Variants in NCOR2 observed in about 807,000 individuals in gnomAD.
The protein encoded by NCOR2 is nuclear receptor corepressor 2.
NCOR2 carries 81 observed loss-of-function variants against 262.9 expected under a neutral mutation model. The ratio of observed to expected loss-of-function variants is 0.31; its 90% CI spans 0.26 to 0.37. The LOEUF (loss-of-function observed/expected upper bound fraction) is 0.37. NCOR2 is among the 10% of genes least tolerant of loss of function. The probability of loss-of-function intolerance (pLI) is 1.00; values close to 1 mark genes in which losing one functional copy is unlikely to be tolerated. For missense variants in NCOR2, 3,385 were observed against 3,621.4 expected (o/e 0.93, Z 1.68); for synonymous variants, 1,659 against 1,559.3 (o/e 1.06, Z -1.51).
intron 16 of NCOR2, among the ~76,000 whole-genome samples, chr12:124,397,079 T>A (rs1487898637): frequency 6.6e-6 from 1 of 152,194 alleles, no homozygotes; most frequent in South Asian, 2.1e-4. Context: ...CTCTGCTTCC[T>A]GGCTCCTTGC....
At chr12:124,334,824 T>G (rs1188245334) in intron 40 of NCOR2, 1 of 597,432 alleles carries the variant, frequency 1.7e-6, no homozygotes, top group Non-Finnish European at 3.0e-6. Context: ...AAGCTGGTAG[T>G]TGGCAGATGG....
chr12:124,552,276 G>A (rs546872617), intron 1 of NCOR2, among the ~76,000 whole-genome samples: 103 of 152,124 alleles, frequency 6.8e-4, no homozygotes, highest in African/African-American at 2.3e-3. Flanking sequence ...AGCTGCGAAT[G>A]GAGCTGGACT....
At chr12:124,428,413 T>C (rs2043718977) in intron 10 of NCOR2, among the ~76,000 whole-genome samples, 1 of 152,272 alleles carries the variant, frequency 6.6e-6, no homozygotes, top group South Asian at 2.1e-4. Flanking sequence ...GATTCATCTT[T>C]GGATTGCCTG....
At chr12:124,488,153 T>G (rs2047880133) in intron 1 of NCOR2, among the ~76,000 whole-genome samples, 1 of 152,190 alleles carries the variant, frequency 6.6e-6, no homozygotes. Flanking sequence ...CAGTTATTTT[T>G]GCAAAGAGAA....
At chr12:124,341,792 C>T (rs2272373) in intron 34 of NCOR2, 31 bp downstream of exon 36, 17,497 of 1,574,922 alleles carry the variant, frequency 0.011, 679 homozygotes, top group South Asian at 0.089. Flanking sequence ...TAAGGCCAAA[C>T]CCAGCGGAGG....
intron 22 of NCOR2, among the ~76,000 whole-genome samples, chr12:124,359,813 C>A (rs996146441): frequency 6.6e-6 from 1 of 152,256 alleles, no homozygotes; most frequent in East Asian, 1.9e-4. Flanking sequence ...CTTGGCTGAG[C>A]CGCTCTGTGT....
At chr12:124,330,721 C>T (rs2035111559) in intron 44 of NCOR2, 124 bp downstream of exon 46, 1 of 1,107,316 alleles carries the variant, frequency 9.0e-7, no homozygotes, top group African/African-American at 1.6e-5. Flanking sequence ...GTTAGTTCAT[C>T]CCAGAATGAG....
At chr12:124,462,674 A>G (rs576534763) in intron 5 of NCOR2, among the ~76,000 whole-genome samples, 394 of 152,296 alleles carry the variant, frequency 2.6e-3, no homozygotes, top group Non-Finnish European at 4.2e-3. Context: ...GGTCTGAAGC[A>G]CTGCTCTGAA....
chr12:124,517,600 A>G lies in NCOR2; in HGVS notation c.-118+17965T>C, dbSNP rs2049892464. On this transcript the variant is annotated intron_variant, in intron 1 of 46. Coordinates refer to the NCOR2 transcript ENST00000404621. The surrounding 1 kb of genome is among the most constrained non-coding windows in gnomAD (Gnocchi z 7.6). ...AGCCCACCGCGGAGCCCCAGGGCAGAGCCTCGGGAGCGCCCACGATCACAT... is the reference window on the plus strand; with the variant it reads ...AGCCCACCGCGGAGCCCCAGGGCAGGGCCTCGGGAGCGCCCACGATCACAT... 1.3e-5 allele frequency among the ~76,000 whole-genome samples: 2 copies of G among 152,264 alleles called. No homozygotes were observed. Among genetic ancestry groups the G allele is most frequent in the South Asian group, 4.1e-4 (2 of 4,822 alleles).
intron 32 of NCOR2, 150 bp from the exon 35 acceptor site, chr12:124,343,376 A>C: frequency 1.6e-6 from 1 of 615,250 alleles, no homozygotes; most frequent in Non-Finnish European, 2.7e-6. Flanking sequence ...TTGCTCACTG[A>C]CTCATTTGCT....
intron 1 of NCOR2, among the ~76,000 whole-genome samples, chr12:124,492,996 C>T (rs1247209799): frequency 2.0e-5 from 3 of 152,218 alleles, no homozygotes; most frequent in African/African-American, 7.2e-5. Context: ...CACACAAGGA[C>T]AGACATGTTC....
intron 15 of NCOR2, among the ~76,000 whole-genome samples, chr12:124,399,517 G>A (rs2041880518): frequency 6.6e-6 from 1 of 152,118 alleles, no homozygotes; most frequent in African/African-American, 2.4e-5. Context: ...TGGCCAATGG[G>A]GCTGAGTTCT....
Position 124,523,446 on chromosome 12 carries a change from C to T in NCOR2, c.-118+12119G>A, listed in dbSNP as rs886832574. 1.1e-4 allele frequency among the ~76,000 whole-genome samples: 16 copies of T among 152,120 alleles called. No homozygotes were observed. The highest frequency in any genetic ancestry group is 1.9e-4 in the Non-Finnish European group (13 of 68,026). Reference sequence around the variant, plus strand: ...ACGCCAGCCAGCTGGATCCCAGGGACCTAACCCGGGAAGGACACATCACGC... The same window carrying T: ...ACGCCAGCCAGCTGGATCCCAGGGATCTAACCCGGGAAGGACACATCACGC... On this transcript the variant is annotated intron_variant, in intron 1 of 46. Transcript: ENST00000404621. This position sits in a 1 kb window ranked among gnomAD's most constrained non-coding sequence, Gnocchi z 4.0.
chr12:124,544,159 T>C (rs983119756), intron 1 of NCOR2, among the ~76,000 whole-genome samples: 4 of 152,106 alleles, frequency 2.6e-5, no homozygotes, highest in Admixed American at 2.6e-4. Flanking sequence ...CTGGATGAGA[T>C]GGAAGCTTCG....
intron 7 of NCOR2, among the ~76,000 whole-genome samples, chr12:124,448,028 G>A (rs551155763): frequency 6.6e-6 from 1 of 152,182 alleles, no homozygotes; most frequent in Non-Finnish European, 1.5e-5. Context: ...ACTCATTCTG[G>A]TTCTGTCTCC....
Position 124,389,460 on chromosome 12 carries a change from G to T in NCOR2, c.1877-3573C>A, listed in dbSNP as rs2041104927. Among the ~76,000 whole-genome samples the T allele has an allele frequency of 2.0e-5, 3 of 152,210 alleles. No homozygotes were observed. ...TCTCTCCCCATCCGCGGCGGTGGCG[G>T]CGTCAGCAGTGGTAAGAACAGATGA... On this transcript the variant is annotated intron_variant, in intron 16 of 46. Coordinates refer to ENST00000405201, the Ensembl canonical transcript of NCOR2. The surrounding 1 kb of genome is among the most constrained non-coding windows in gnomAD (Gnocchi z 4.4).
At chr12:124,429,575 G>T (rs767096994) in intron 10 of NCOR2, 38 bp downstream of exon 12, 22 of 1,558,586 alleles carry the variant, frequency 1.4e-5, no homozygotes, top group Admixed American at 1.9e-5. Context: ...GGATGCCAGG[G>T]AAAAGGAGCT....
intron 1 of NCOR2, among the ~76,000 whole-genome samples, chr12:124,558,860 T>C (rs1291028599): frequency 6.6e-6 from 1 of 152,120 alleles, no homozygotes; most frequent in Non-Finnish European, 1.5e-5. Context: ...CATCACCCCA[T>C]TTCACCGCCA....
chr12:124,388,913 G>C (rs1283981339), intron 16 of NCOR2: 1 of 977,270 alleles, frequency 1.0e-6, no homozygotes, highest in East Asian at 8.0e-5. Flanking sequence ...AGGGAGGGAC[G>C]CGGCGGGCGG....
Sources: allele counts gnomAD v4.1 joint callset (sites outside exome capture counted in the v4.1 genomes callset), GRCh38; gene constraint gnomAD v4.1.1; non-coding constraint Gnocchi (gnomAD v3.1); transcripts MANE v1.5; gene names NCBI Gene and HGNC (gene_info 2026-07-23, HGNC 2026-07-21).